DNAH9: variants seen among roughly 807,000 people sequenced by gnomAD.
DNAH9 encodes DNAH9 variant protein.
DNAH9 carries 345 observed loss-of-function variants against 471.6 expected under a neutral mutation model. The ratio of observed to expected loss-of-function variants is 0.73; its 90% CI spans 0.67 to 0.80. The LOEUF (loss-of-function observed/expected upper bound fraction) is 0.80. DNAH9 is among the 30% of genes least tolerant of loss of function. The pLI, the probability that DNAH9 is intolerant of heterozygous loss-of-function variation, is 0.00. For synonymous variants in DNAH9, 2,093 were observed against 2,123.6 expected, an observed-to-expected ratio of 0.99 and a Z score of 0.40; for missense variants, 5,407 against 5,609.2, an observed-to-expected ratio of 0.96 and a Z score of 1.15.
Position 11,969,338 on chromosome 17 carries a change from A to AC in DNAH9, c.13277dup (p.Met4427TyrfsTer13), listed in dbSNP as rs780357713. The AC allele has an allele frequency of 6.2e-7, 1 of 1,613,906 alleles. No individual in the cohort carries two copies. The highest frequency in any genetic ancestry group is 8.5e-7 in the Non-Finnish European group (1 of 1,179,970). On this transcript the variant is annotated frameshift_variant, in exon 69 of 69. Transcript: ENST00000262442. LOFTEE classifies it high-confidence loss of function. ...CAGAGGCAAAGCTGAAGGATCTGACACCCCCTATGCCTGTGATGTTCATCA... is the reference window on the plus strand; with the variant it reads ...CAGAGGCAAAGCTGAAGGATCTGACACCCCCCTATGCCTGTGATGTTCATCA...
chr17:11,861,294 G>A (rs894162469), intron 50 of DNAH9, among the ~76,000 whole-genome samples: 45 of 151,646 alleles, frequency 3.0e-4, no homozygotes, highest in Admixed American at 5.3e-4. Context: ...TTTTTCTTGC[G>A]ATAGTTTACT....
rs1157505657 is a variant in DNAH9, at chr17:11,759,517, CTTTTTTTT to C, written c.6995+1841_6995+1848del. Among the ~76,000 whole-genome samples the C allele has an allele frequency of 7.1e-5, 6 of 83,972 alleles. No individual in the cohort carries two copies. The East Asian group carries it at 2.0e-3, about 28-fold the overall frequency. The allele number at this position is 83,972 out of a possible 152,430, so 55.1% of individuals were successfully genotyped here. On this transcript the variant is annotated intron_variant, in intron 35 of 68. Transcript: ENST00000262442. ...TATACATAGGTATATATACACACCA[CTTTTTTTT>C]TTTTTTTTTTTTTTTGAGTCGTTGT... is the stretch of plus-strand genomic sequence containing the variant.
intron 59 of DNAH9, among the ~76,000 whole-genome samples, chr17:11,898,132 C>CTTT (rs35816812): frequency 2.0e-5 from 3 of 148,422 alleles, no homozygotes; most frequent in African/African-American, 5.0e-5. Context: ...TTTTCCTTTT[C>CTTT]TTTTTTTTTT....
intron 61 of DNAH9, among the ~76,000 whole-genome samples, chr17:11,914,346 T>C (rs1973874527): frequency 6.6e-6 from 1 of 152,220 alleles, no homozygotes; most frequent in South Asian, 2.1e-4. Context: ...TTCTTGAAGA[T>C]ACTCTCCCTG....
chr17:11,715,025 T>C (rs1271077183), intron 26 of DNAH9, among the ~76,000 whole-genome samples: 23 of 152,186 alleles, frequency 1.5e-4, no homozygotes, highest in Admixed American at 1.5e-3. Flanking sequence ...GGATGTTCTT[T>C]TAAGGCACTG....
intron 14 of DNAH9, among the ~76,000 whole-genome samples, chr17:11,661,694 G>A (rs1245076561): frequency 3.3e-5 from 5 of 152,050 alleles, no homozygotes; most frequent in Non-Finnish European, 7.4e-5. Flanking sequence ...AAAGTGTGGT[G>A]TAATTTAACC....
At chr17:11,737,469 G>A (rs1597570813) in intron 28 of DNAH9, among the ~76,000 whole-genome samples, 1 of 152,238 alleles carries the variant, frequency 6.6e-6, no homozygotes, top group African/African-American at 2.4e-5. Flanking sequence ...CCAGCTTTTG[G>A]GTTTTGCTTC....
At chr17:11,688,399 C>T (rs1327624651) in intron 19 of DNAH9, among the ~76,000 whole-genome samples, 1 of 152,108 alleles carries the variant, frequency 6.6e-6, no homozygotes, top group Non-Finnish European at 1.5e-5. Flanking sequence ...AGATCAGGGA[C>T]AGCTTGGAGA....
rs982322971 is a variant in DNAH9, at chr17:11,626,593, T to G, written c.1351-2824T>G. On this transcript the variant is annotated intron_variant, in intron 6 of 68. Transcript: ENST00000262442. The surrounding 1 kb of genome is among the most constrained non-coding windows in gnomAD (Gnocchi z 4.3). ...GAAATGGCCATTTTTTAGGTCGAAA[T>G]GATCCCGTATCAGCAATGTAATAAG... is the stretch of plus-strand genomic sequence containing the variant. Among the ~76,000 whole-genome samples the G allele has an allele frequency of 1.3e-5, 2 of 152,186 alleles. No homozygotes were observed. The highest frequency in any genetic ancestry group is 2.9e-5 in the Non-Finnish European group (2 of 68,036).
intron 28 of DNAH9, among the ~76,000 whole-genome samples, chr17:11,734,207 C>G (rs972351143): frequency 5.3e-5 from 8 of 152,138 alleles, no homozygotes; most frequent in Non-Finnish European, 7.4e-5. Flanking sequence ...CACCCCAGAC[C>G]TGCTGAAACA....
At position 11,807,968 on chromosome 17, in the gene DNAH9, C is replaced by T. The variant is rs1712116792; in HGVS notation, c.8583+74C>T. The T allele has an allele frequency of 1.1e-5, 17 of 1,483,482 alleles. No individual in the cohort carries two copies. In the Admixed American group the frequency reaches 1.4e-4, roughly 12 times the overall value. The allele number at this position is 1,483,482 out of a possible 1,614,324, so 91.9% of individuals were successfully genotyped here. ...AGCCACAGTTCCATCATCCTTCACT[C>T]GTTCTCCAGTTCCCCTGTCTGGAGC... On this transcript the variant is annotated intron_variant, in intron 44 of 68. Coordinates refer to ENST00000262442, the MANE Select transcript of DNAH9 (RefSeq NM_001372.4).
chr17:11,810,361 T>G lies in DNAH9; in HGVS notation c.8699T>G (p.Leu2900Trp), dbSNP rs994212981. Residue 2900 changes from leucine to tryptophan, a missense_variant, in exon 45 of 69, where the codon TTG (leucine) becomes TGG (tryptophan). Physicochemically the swap from Leu to Trp is moderately conservative, Grantham distance 61 (BLOSUM62 -2). Transcript: ENST00000262442. ...TTCCTTGTGCTCATCAATGATCTTT[T>G]GGCATCTGGTAAGAGATTCCTTGCA... ...ERFLVLINDL[L>W]ASGEIPDLYS... The G allele has an allele frequency of 6.2e-7, 1 of 1,612,354 alleles. No homozygotes were observed. Among genetic ancestry groups the G allele is most frequent in the South Asian group, 1.1e-5 (1 of 90,574 alleles).
At chr17:11,821,786 C>A in intron 45 of DNAH9, 134 bp from the exon 46 acceptor site, 1 of 943,738 alleles carries the variant, frequency 1.1e-6, no homozygotes, top group Non-Finnish European at 1.6e-6. Context: ...GTCTGTCCAG[C>A]TTCACCAGCA....
At chr17:11,709,708 T>G (rs1273961719) in intron 26 of DNAH9, among the ~76,000 whole-genome samples, 1 of 152,202 alleles carries the variant, frequency 6.6e-6, no homozygotes, top group East Asian at 1.9e-4. Flanking sequence ...GGAAATGTTT[T>G]TTCAGGCTGA....
chr17:11,681,386 A>G (rs2150742485), intron 19 of DNAH9, among the ~76,000 whole-genome samples: 1 of 152,300 alleles, frequency 6.6e-6, no homozygotes, highest in African/African-American at 2.4e-5. Flanking sequence ...GTCTTTACAT[A>G]AACAAAGCAA....
At chr17:11,699,164 G>A (rs1042822625) in intron 22 of DNAH9, among the ~76,000 whole-genome samples, 22 of 152,132 alleles carry the variant, frequency 1.4e-4, no homozygotes, top group South Asian at 6.2e-4. Context: ...CAGGAGAATC[G>A]CTTGAACCTG....
Position 11,669,604 on chromosome 17 carries a change from C to T in DNAH9, c.3163C>T (p.Leu1055Phe), listed in dbSNP as rs777932329. Residue 1055 changes from leucine (L) to phenylalanine (F), a missense_variant, in exon 17 of 69, where the codon CTT (leucine) becomes TTT (phenylalanine). Leu to Phe is a conservative substitution (Grantham distance 22). This residue lies in a region of DNAH9 where 4,636 missense variants were observed against 4,900.3 expected (regional missense o/e 0.95). Transcript: ENST00000262442. ...EDGIPENPPLLSQFKVQIDSY... is the reference protein window; with the variant it reads ...EDGIPENPPLFSQFKVQIDSY... ...TGGCATCCCAGAGAACCCTCCCCTC[C>T]TTTCTCAGTTTAAAGTGCAAATCGA... 2.5e-6 allele frequency: 4 copies of T among 1,614,050 alleles called. No homozygotes were observed. Among genetic ancestry groups the T allele is most frequent in the African/African-American group, 1.3e-5 (1 of 74,908 alleles).
Position 11,690,398 on chromosome 17 carries a change from T to C in DNAH9, c.4576T>C (p.Phe1526Leu). 2 of 1,614,150 alleles carry C rather than the reference T, an allele frequency of 1.2e-6. No individual in the cohort carries two copies. Among genetic ancestry groups the C allele is most frequent in the Non-Finnish European group, 1.7e-6 (2 of 1,180,008 alleles). The change falls in exon 20 of 69, where the codon TTC becomes CTC. Residue 1526 changes from phenylalanine (F) to leucine (L), a missense_variant. Physicochemically the swap from Phe to Leu is conservative, Grantham distance 22. Transcript: ENST00000262442. ...AACATGGACTCACCTGGAAAGCATA[T>C]TCACTGGATCTGAAGATATTCGGGC... is the stretch of plus-strand genomic sequence containing the variant. ...QRTWTHLESI[F>L]TGSEDIRAQL...
intron 49 of DNAH9, among the ~76,000 whole-genome samples, chr17:11,843,863 G>GTGTGTATATA (rs1253794533): frequency 1.1e-3 from 51 of 46,468 alleles, no homozygotes; most frequent in African/African-American, 3.8e-3. Context: ...GTGTGTGTGT[G>GTGTGTATATA]TATATATATA....
Sources: allele counts gnomAD v4.1 joint callset (sites outside exome capture counted in the v4.1 genomes callset), GRCh38; gene constraint gnomAD v4.1.1; regional missense constraint gnomAD v4.1.1; non-coding constraint Gnocchi (gnomAD v3.1); transcripts MANE v1.5; gene names NCBI Gene and HGNC (gene_info 2026-07-23, HGNC 2026-07-21).